Variants in SORCS1 observed in about 807,000 individuals in gnomAD.
SORCS1 encodes the protein VPS10 domain-containing receptor SorCS1.
A neutral mutation model predicts 146.1 loss-of-function variants in SORCS1; 60 were observed. That is an observed-to-expected ratio of 0.41 (90% CI 0.33 to 0.51). SORCS1 has a LOEUF of 0.51. SORCS1 is among the 20% of genes least tolerant of loss of function. SORCS1 has a pLI of 0.21. For synonymous variants in SORCS1, 637 were observed against 584.0 expected, an observed-to-expected ratio of 1.09 and a Z score of -1.31; for missense variants, 1,352 against 1,487.6, an observed-to-expected ratio of 0.91 and a Z score of 1.50.
chr10:106,680,994 C>T (rs1342276840), intron 10 of SORCS1, among the ~76,000 whole-genome samples: 1 of 152,166 alleles, frequency 6.6e-6, no homozygotes, highest in Non-Finnish European at 1.5e-5. Context: ...AAGTAAAACT[C>T]TCAAGGTGCA....
chr10:106,833,657 C>G (rs1397200748), intron 2 of SORCS1, among the ~76,000 whole-genome samples: 1 of 152,128 alleles, frequency 6.6e-6, no homozygotes, highest in Non-Finnish European at 1.5e-5. Context: ...AAAAAACTTG[C>G]TCCAGCACCA....
intron 5 of SORCS1, among the ~76,000 whole-genome samples, chr10:106,739,962 A>AG (rs1182168224): frequency 6.6e-6 from 1 of 151,868 alleles, no homozygotes; most frequent in African/African-American, 2.4e-5. Context: ...AAAAAAAAAA[A>AG]AAAAAGAAAA....
chr10:106,662,977 A>T (rs183066062), intron 17 of SORCS1, among the ~76,000 whole-genome samples: 9 of 152,332 alleles, frequency 5.9e-5, no homozygotes, highest in African/African-American at 2.2e-4. Context: ...AGACGTACCC[A>T]GTTGGCTGAG....
intron 12 of SORCS1, among the ~76,000 whole-genome samples, chr10:106,678,270 T>C (rs572632373): frequency 6.6e-6 from 1 of 152,326 alleles, no homozygotes; most frequent in African/African-American, 2.4e-5. Flanking sequence ...ATCCTGGCTC[T>C]CTATTCTCCA....
At chr10:107,036,017 T>C (rs900801296) in intron 1 of SORCS1, among the ~76,000 whole-genome samples, 16 of 151,352 alleles carry the variant, frequency 1.1e-4, no homozygotes, top group African/African-American at 2.7e-4. Flanking sequence ...GACAGTGTGA[T>C]TCTTGAGCCT....
chr10:106,988,512 C>T (rs958051996), intron 1 of SORCS1, among the ~76,000 whole-genome samples: 7 of 151,894 alleles, frequency 4.6e-5, no homozygotes, highest in Non-Finnish European at 1.0e-4. Flanking sequence ...ATCCAGGAAG[C>T]TACTGGGTCA....
chr10:106,932,891 G>A (rs1278415404), intron 2 of SORCS1, among the ~76,000 whole-genome samples: 1 of 152,156 alleles, frequency 6.6e-6, no homozygotes, highest in Admixed American at 6.5e-5. Flanking sequence ...ATCAATAGCT[G>A]TGATTCTGAA....
chr10:106,588,456 T>C (rs1466955013), intron 24 of SORCS1, among the ~76,000 whole-genome samples: 1 of 152,168 alleles, frequency 6.6e-6, no homozygotes, highest in Admixed American at 6.5e-5. Context: ...TCGTTCACCT[T>C]TCCTTGTTAT....
At chr10:107,016,956 G>A (rs142712430) in intron 1 of SORCS1, among the ~76,000 whole-genome samples, 45 of 152,290 alleles carry the variant, frequency 3.0e-4, no homozygotes, top group Middle Eastern at 3.4e-3. Flanking sequence ...GAAAATCACA[G>A]TGATATTCTG....
At chr10:106,884,795 T>A (rs1950933370) in intron 2 of SORCS1, among the ~76,000 whole-genome samples, 1 of 152,194 alleles carries the variant, frequency 6.6e-6, no homozygotes, top group African/African-American at 2.4e-5. Flanking sequence ...TAGTTAGAAT[T>A]TTTTTTCATA....
At chr10:106,942,008 T>C (rs1023496287) in intron 2 of SORCS1, among the ~76,000 whole-genome samples, 3 of 152,298 alleles carry the variant, frequency 2.0e-5, no homozygotes, top group Non-Finnish European at 4.4e-5. Flanking sequence ...GTGGGGGGAA[T>C]TGACAAGTAG....
intron 1 of SORCS1, among the ~76,000 whole-genome samples, chr10:107,076,752 C>T (rs191710596): frequency 1.5e-3 from 233 of 152,130 alleles, no homozygotes; most frequent in African/African-American, 5.4e-3. Flanking sequence ...GTGAAGTGGA[C>T]GCTCCTAGGT....
At chr10:106,739,686 C>T (rs1322236639) in intron 5 of SORCS1, among the ~76,000 whole-genome samples, 5 of 150,412 alleles carry the variant, frequency 3.3e-5, no homozygotes, top group African/African-American at 7.3e-5. Flanking sequence ...GGTGTGGTGG[C>T]GAGCGCCGTA....
intron 1 of SORCS1, among the ~76,000 whole-genome samples, chr10:107,021,856 T>C (rs1958161682): frequency 6.6e-6 from 1 of 152,238 alleles, no homozygotes; most frequent in Admixed American, 6.5e-5. Context: ...TATCATCTTC[T>C]ACTTTACGTG....
At chr10:107,084,016 A>T (rs894968446) in intron 1 of SORCS1, among the ~76,000 whole-genome samples, 5 of 152,110 alleles carry the variant, frequency 3.3e-5, no homozygotes, top group Admixed American at 1.3e-4. Flanking sequence ...TTCACCTAAA[A>T]CTATACAGAA....
intron 3 of SORCS1, among the ~76,000 whole-genome samples, chr10:106,800,791 G>T (rs822001): frequency 0.38 from 57,865 of 151,754 alleles, 11,211 homozygotes; most frequent in Non-Finnish European, 0.41. Context: ...TCTGCCTGCC[G>T]CAGTCTCCCA....
chr10:107,019,726 C>T (rs1285059589), intron 1 of SORCS1, among the ~76,000 whole-genome samples: 1 of 152,232 alleles, frequency 6.6e-6, no homozygotes, highest in African/African-American at 2.4e-5. Context: ...ATGGGCTGTA[C>T]ATTTATTTCC....
chr10:106,583,105 T>A (rs1845020021), intron 24 of SORCS1, among the ~76,000 whole-genome samples: 1 of 152,194 alleles, frequency 6.6e-6, no homozygotes. Context: ...GTGTTTAGTC[T>A]AGAAATTTGT....
At chr10:106,667,615 T>C (rs1287982209) in intron 17 of SORCS1, 74 bp downstream of exon 17, 8 of 969,000 alleles carry the variant, frequency 8.3e-6, no homozygotes, top group Non-Finnish European at 1.1e-5. Context: ...TGATCAGAAG[T>C]AATTCTGTCA....
Sources: allele counts gnomAD v4.1 joint callset (sites outside exome capture counted in the v4.1 genomes callset), GRCh38; gene constraint gnomAD v4.1.1; transcripts MANE v1.5; gene names NCBI Gene and HGNC (gene_info 2026-07-23, HGNC 2026-07-21).